PDK1: variants seen among roughly 807,000 people sequenced by gnomAD.
PDK1 encodes pyruvate dehydrogenase kinase 1.
In PDK1, 39 loss-of-function variants were observed where a neutral mutation model predicts 54.2. The ratio of observed to expected loss-of-function variants is 0.72; its 90% confidence interval spans 0.56 to 0.94. The LOEUF (loss-of-function observed/expected upper bound fraction) is 0.94, where lower values mean the gene tolerates loss of function less well. Among genes scored for constraint, PDK1 ranks in the 40% least tolerant of loss-of-function variants. The pLI is 0.00. For synonymous variants in PDK1, 221 were observed against 207.1 expected (o/e 1.07, Z -0.58); for missense variants, 552 against 566.0 (o/e 0.98, Z 0.25).
chr2:172,691,392 C>G, the PDK1 span: 1 of 147,806 alleles, frequency 6.8e-6, no homozygotes, highest in East Asian at 2.2e-4. Context: ...TGGCACATTA[C>G]CCATCTGACA....
the PDK1 span, among the ~76,000 whole-genome samples, chr2:172,652,374 C>T: frequency 2.0e-5 from 3 of 152,124 alleles, no homozygotes; most frequent in South Asian, 2.1e-4. Flanking sequence ...ACTGAATGGG[C>T]AAAAACTGGA....
chr2:172,686,055 A>G, the PDK1 span, among the ~76,000 whole-genome samples: 2 of 152,250 alleles, frequency 1.3e-5, no homozygotes. Flanking sequence ...ACCACTGAAG[A>G]CTTGTATGAT....
At chr2:172,618,879 G>C in the PDK1 span, among the ~76,000 whole-genome samples, 1 of 152,078 alleles carries the variant, frequency 6.6e-6, no homozygotes, top group Non-Finnish European at 1.5e-5. Context: ...CTAGAGAAGT[G>C]GGCCATTTTA....
Position 172,601,044 on chromosome 2 carries a change from TAAAAG to T in PDK1, c.*5081_*5085del, listed in dbSNP as rs1000429812. The T allele has an allele frequency of 4.6e-5, 7 of 152,196 alleles. No individual in the cohort carries two copies. The highest frequency in any genetic ancestry group is 9.7e-5 in the African/African-American group (4 of 41,446). The allele number at this position is 152,196 out of a possible 1,614,324, so 9.4% of individuals were successfully genotyped here. Reference sequence around the variant, plus strand: ...GAGCTATATTTGAGCTGCTGTTTGTTAAAAGAAAAGTTTTCTGCCGGGGACTCGCT... The same window carrying T: ...GAGCTATATTTGAGCTGCTGTTTGTTAAAAGTTTTCTGCCGGGGACTCGCT... On this transcript the variant is annotated 3_prime_UTR_variant, in exon 11 of 11. Transcript: ENST00000282077.
chr2:172,630,261 G>C, the PDK1 span, among the ~76,000 whole-genome samples: 1 of 152,094 alleles, frequency 6.6e-6, no homozygotes, highest in East Asian at 1.9e-4. Flanking sequence ...TTATATTCTT[G>C]ACCTATTTTT....
chr2:172,648,073 A>T, the PDK1 span, among the ~76,000 whole-genome samples: 1 of 152,234 alleles, frequency 6.6e-6, no homozygotes, highest in African/African-American at 2.4e-5. Flanking sequence ...AGAAACTGTC[A>T]TGGATTGAAG....
At chr2:172,669,599 A>T in the PDK1 span, among the ~76,000 whole-genome samples, 1 of 152,090 alleles carries the variant, frequency 6.6e-6, no homozygotes, top group Non-Finnish European at 1.5e-5. Flanking sequence ...GAACCTCCAT[A>T]TTGTTGTCCA....
chr2:172,564,355 A>G (rs1394846508), intron 3 of PDK1, 148 bp from the exon 4 acceptor site: 6 of 608,680 alleles, frequency 9.9e-6, no homozygotes, highest in Middle Eastern at 3.6e-4. Flanking sequence ...GATCTGAAAT[A>G]CATTTAAATA....
chr2:172,624,287 C>T, the PDK1 span, among the ~76,000 whole-genome samples: 8 of 151,842 alleles, frequency 5.3e-5, no homozygotes, highest in Admixed American at 3.9e-4. Context: ...GGGCCCCATA[C>T]GGGTACCAGT....
the PDK1 span, among the ~76,000 whole-genome samples, chr2:172,625,445 T>G: frequency 6.6e-6 from 1 of 152,348 alleles, no homozygotes; most frequent in South Asian, 2.1e-4. Context: ...GGAATGTTCA[T>G]CTAATCATAT....
intron 8 of PDK1, among the ~76,000 whole-genome samples, chr2:172,572,032 A>G (rs886572242): frequency 6.6e-5 from 10 of 151,838 alleles, no homozygotes; most frequent in Non-Finnish European, 1.5e-4. Flanking sequence ...GGGTTTCACC[A>G]TATTGGCCAG....
the PDK1 span, among the ~76,000 whole-genome samples, chr2:172,702,189 AG>A: frequency 6.6e-6 from 1 of 152,126 alleles, no homozygotes; most frequent in Non-Finnish European, 1.5e-5. Context: ...CTAAAGACAG[AG>A]GGATGGCCGG....
intron 1 of PDK1, chr2:172,556,591 G>C: frequency 2.7e-6 from 1 of 364,108 alleles, no homozygotes; most frequent in Non-Finnish European, 4.9e-6. Flanking sequence ...CAGCTGGGCC[G>C]CGGGACGACC....
At chr2:172,692,320 A>G in the PDK1 span, among the ~76,000 whole-genome samples, 1 of 152,206 alleles carries the variant, frequency 6.6e-6, no homozygotes. Context: ...AGGCTCAAAT[A>G]CAAGGTACTG....
chr2:172,633,161 G>A, the PDK1 span, among the ~76,000 whole-genome samples: 1 of 151,226 alleles, frequency 6.6e-6, no homozygotes, highest in East Asian at 2.0e-4. Flanking sequence ...TCCTGTCTCA[G>A]CCTCCCAAGT....
the PDK1 span, among the ~76,000 whole-genome samples, chr2:172,710,171 G>T: frequency 6.6e-6 from 1 of 152,096 alleles, no homozygotes; most frequent in African/African-American, 2.4e-5. Flanking sequence ...AGCGATGCTG[G>T]AAAAAACTTT....
At chr2:172,648,301 T>A in the PDK1 span, among the ~76,000 whole-genome samples, 7 of 152,276 alleles carry the variant, frequency 4.6e-5, 1 homozygote, top group South Asian at 1.4e-3. Flanking sequence ...AGATATATAT[T>A]AGTAACTCTT....
chr2:172,668,986 C>T, the PDK1 span, among the ~76,000 whole-genome samples: 1 of 146,356 alleles, frequency 6.8e-6, no homozygotes, highest in Admixed American at 6.9e-5. Flanking sequence ...TCTCCCTGTG[C>T]CTGGCTTACT....
At chr2:172,609,125 A>G (rs1342945025), downstream of PDK1, among the ~76,000 whole-genome samples, 2 of 152,212 alleles carry the variant, frequency 1.3e-5, no homozygotes, top group African/African-American at 2.4e-5. Context: ...TTAGTTTCCA[A>G]TCAGCAGATA....
Sources: gnomAD v4.1 joint callset for allele counts (sites outside exome capture counted in the v4.1 genomes callset) on GRCh38, gnomAD v4.1.1 for gene constraint, MANE v1.5 for transcripts, NCBI Gene and HGNC (gene_info 2026-07-23, HGNC 2026-07-21) for gene names.